Variants in NKAIN2 observed in about 807,000 individuals in gnomAD.
NKAIN2 encodes sodium/potassium transporting ATPase interacting 2.
In NKAIN2, 14 loss-of-function variants were observed where a neutral mutation model predicts 32.6. That is an observed-to-expected ratio of 0.43 (90% CI 0.28 to 0.67). NKAIN2 has a LOEUF of 0.67. NKAIN2 is among the 30% of genes least tolerant of loss of function. NKAIN2 has a pLI of 0.17. For missense variants in NKAIN2, 198 were observed against 258.3 expected, an observed-to-expected ratio of 0.77 and a Z score of 1.60; for synonymous variants, 80 against 87.2, an observed-to-expected ratio of 0.92 and a Z score of 0.46.
rs149104818 is a variant in NKAIN2 at position 124,396,613 on chromosome 6, G to A, written c.273+41266G>A. Reference sequence around the variant, plus strand: ...TTCTGCCTTACTTAAAGGGAAGAAGGTCTAGAATCAGAGTTGCTGATGGAG... The same window carrying A: ...TTCTGCCTTACTTAAAGGGAAGAAGATCTAGAATCAGAGTTGCTGATGGAG... On this transcript the variant is annotated intron_variant, in intron 3 of 6. Transcript: ENST00000368417. 7.0e-3 allele frequency among the ~76,000 whole-genome samples: 1,061 copies of A among 152,226 alleles called. 16 individuals are homozygous for A. The highest frequency in any genetic ancestry group is 0.02 in the Middle Eastern group (6 of 294).
At chr6:123,886,862 A>C (rs1773740350) in intron 1 of NKAIN2, among the ~76,000 whole-genome samples, 1 of 152,104 alleles carries the variant, frequency 6.6e-6, no homozygotes, top group African/African-American at 2.4e-5. Context: ...GGAGAAAAAA[A>C]TATTGTTGAA....
At chr6:124,660,412 C>T (rs533911420) in intron 4 of NKAIN2, among the ~76,000 whole-genome samples, 5 of 152,198 alleles carry the variant, frequency 3.3e-5, no homozygotes, top group South Asian at 4.2e-4. Context: ...TACATTTGGA[C>T]GTGGGGGCAT....
At chr6:124,074,180 T>C (rs571361433) in intron 1 of NKAIN2, among the ~76,000 whole-genome samples, 1 of 152,310 alleles carries the variant, frequency 6.6e-6, no homozygotes, top group South Asian at 2.1e-4. Flanking sequence ...GGATGAAATG[T>C]TGCCCACCAG....
At chr6:124,638,710 G>A (rs923908211) in intron 3 of NKAIN2, among the ~76,000 whole-genome samples, 6 of 151,674 alleles carry the variant, frequency 4.0e-5, no homozygotes, top group Non-Finnish European at 5.9e-5. Flanking sequence ...CCTGGCTAAC[G>A]TGGTGAAACC....
rs904702492 is a variant in NKAIN2, at chr6:124,487,649, ACACT to A, written c.273+132306_273+132309del. 5.9e-5 allele frequency among the ~76,000 whole-genome samples: 9 copies of A among 152,304 alleles called. 1 individual carries two copies. The highest frequency in any genetic ancestry group is 2.0e-4 in the Admixed American group (3 of 15,284). ...TAATGTCCATTTTTATCAAAGGGAA[ACACT>A]CACATCCTTGCCTATCGGTGATCAT... On this transcript the variant is annotated intron_variant, in intron 3 of 6. Transcript: ENST00000368417.
intron 1 of NKAIN2, among the ~76,000 whole-genome samples, chr6:124,162,948 C>G: frequency 6.6e-6 from 1 of 151,944 alleles, no homozygotes; most frequent in East Asian, 1.9e-4. Context: ...ATTTTACTAT[C>G]CGATTCTGTG....
At chr6:124,021,243 G>A (rs1403015146) in intron 1 of NKAIN2, among the ~76,000 whole-genome samples, 3 of 151,976 alleles carry the variant, frequency 2.0e-5, no homozygotes, top group African/African-American at 7.2e-5. Context: ...GTACACACAC[G>A]TAACAATATA....
chr6:124,810,915 A>G (rs1780875641), intron 5 of NKAIN2, among the ~76,000 whole-genome samples: 1 of 145,898 alleles, frequency 6.9e-6, no homozygotes, highest in African/African-American at 2.6e-5. Context: ...TTTCCTTATC[A>G]GGAAAAAAAA....
At chr6:123,934,473 A>G (rs749584356) in intron 1 of NKAIN2, among the ~76,000 whole-genome samples, 2 of 152,114 alleles carry the variant, frequency 1.3e-5, no homozygotes, top group Non-Finnish European at 2.9e-5. Context: ...TTTTTATAGG[A>G]CTTAGGTTCT....
In NKAIN2 at chr6:124,171,547, A is replaced by ATTTTTTTT. The variant is rs10665262; in HGVS notation, c.55-111443_55-111436dup. Reference sequence around the variant, plus strand: ...GTTTTCGTAAGAGAGGGCCGATTTGATTTTTTTTTTTTTTTTTTTTTTGAG... The same window carrying ATTTTTTTT: ...GTTTTCGTAAGAGAGGGCCGATTTGATTTTTTTTTTTTTTTTTTTTTTTTTTTTTTGAG... On this transcript the variant is annotated intron_variant, in intron 1 of 6. Transcript: ENST00000368417. Among the ~76,000 whole-genome samples, 113 of 96,450 alleles carry ATTTTTTTT rather than the reference A, an allele frequency of 1.2e-3. 3 individuals are homozygous for ATTTTTTTT. Among genetic ancestry groups the ATTTTTTTT allele is most frequent in the African/African-American group, 1.4e-3 (35 of 24,744 alleles). 63.3% of individuals were successfully genotyped at this position (96,450 alleles called of 152,430 possible). A position where few individuals can be genotyped will look rare whatever the true frequency, so the allele number is the denominator to read the frequency against.
chr6:124,772,806 G>T (rs1228612124), intron 4 of NKAIN2, among the ~76,000 whole-genome samples: 5 of 152,128 alleles, frequency 3.3e-5, no homozygotes, highest in Non-Finnish European at 7.4e-5. Flanking sequence ...AGACACTGTG[G>T]AATCCAAAAG....
chr6:124,352,836 T>C (rs1798792541), intron 2 of NKAIN2, among the ~76,000 whole-genome samples: 1 of 152,200 alleles, frequency 6.6e-6, no homozygotes, highest in Non-Finnish European at 1.5e-5. Flanking sequence ...CTTAGCCCCC[T>C]AATTCTGTCT....
intron 1 of NKAIN2, among the ~76,000 whole-genome samples, chr6:124,235,849 A>G (rs763780535): frequency 6.6e-6 from 1 of 151,986 alleles, no homozygotes; most frequent in Non-Finnish European, 1.5e-5. Flanking sequence ...CGCCCATCTC[A>G]GCCTCCCAAA....
chr6:124,205,697 T>C (rs1373059931), intron 1 of NKAIN2, among the ~76,000 whole-genome samples: 2 of 149,772 alleles, frequency 1.3e-5, no homozygotes, highest in African/African-American at 4.9e-5. Context: ...TGATATCATA[T>C]CTGAACTCAA....
chr6:123,966,793 T>C (rs1778101289), intron 1 of NKAIN2, among the ~76,000 whole-genome samples: 1 of 152,136 alleles, frequency 6.6e-6, no homozygotes, highest in Non-Finnish European at 1.5e-5. Flanking sequence ...TGCAGGCTAT[T>C]TTTCACTCAA....
intron 3 of NKAIN2, among the ~76,000 whole-genome samples, chr6:124,504,572 A>C (rs1778406469): frequency 6.6e-6 from 1 of 152,214 alleles, no homozygotes; most frequent in Non-Finnish European, 1.5e-5. Flanking sequence ...CTAAAACAAG[A>C]CCATTTTAAA....
At chr6:124,496,305 C>T (rs887126760) in intron 3 of NKAIN2, among the ~76,000 whole-genome samples, 6 of 152,190 alleles carry the variant, frequency 3.9e-5, no homozygotes, top group Admixed American at 6.5e-5. Context: ...TCTTGCCTTC[C>T]GACTGAGTAA....
At chr6:123,851,254 T>C (rs1775333893) in intron 1 of NKAIN2, among the ~76,000 whole-genome samples, 1 of 136,870 alleles carries the variant, frequency 7.3e-6, no homozygotes, top group Non-Finnish European at 1.6e-5. Context: ...ATTTTTTTTT[T>C]TTTTTTTTTT....
intron 1 of NKAIN2, among the ~76,000 whole-genome samples, chr6:123,991,117 C>T (rs572588048): frequency 7.9e-5 from 12 of 152,216 alleles, no homozygotes; most frequent in Admixed American, 4.6e-4. Flanking sequence ...TAGTAAGGAA[C>T]GCAGAGTTTC....
Sources: allele counts gnomAD v4.1 joint callset (sites outside exome capture counted in the v4.1 genomes callset), GRCh38; gene constraint gnomAD v4.1.1; transcripts MANE v1.5; gene names NCBI Gene and HGNC (gene_info 2026-07-23, HGNC 2026-07-21).